Variants in HSPBP1 observed in about 807,000 individuals in gnomAD.
The protein encoded by HSPBP1 is hsp70-binding protein 1.
HSPBP1 carries 31 observed loss-of-function variants against 41.7 expected under a neutral mutation model. That is an observed-to-expected ratio of 0.74 (90% CI 0.56 to 1.00). HSPBP1 has a LOEUF of 1.00. HSPBP1 is among the 50% of genes least tolerant of loss of function. The pLI is 0.00. For missense variants in HSPBP1, 439 were observed against 487.9 expected, an observed-to-expected ratio of 0.90 and a Z score of 0.94; for synonymous variants, 199 against 214.4, an observed-to-expected ratio of 0.93 and a Z score of 0.63.
chr19:55,280,003 G>A, intron 1 of HSPBP1, 32 bp downstream of exon 1: 1 of 299,718 alleles, frequency 3.3e-6, no homozygotes, highest in Non-Finnish European at 6.3e-6. Context: ...CCTCCTCTCC[G>A]AAGAGGGGCG....
intron 4 of HSPBP1, 39 bp downstream of exon 4, chr19:55,274,359 C>CCCCCCCCCCCCCCGG: frequency 1.2e-6 from 1 of 853,672 alleles, no homozygotes; most frequent in Non-Finnish European, 1.7e-6. Flanking sequence ...CCCCCCCCAC[C>CCCCCCCCCCCCCCGG]GCCAGCACCC....
intron 6 of HSPBP1, 97 bp downstream of exon 6, chr19:55,265,789 A>T: frequency 1.3e-6 from 1 of 769,426 alleles, no homozygotes; most frequent in African/African-American, 1.8e-5. Flanking sequence ...GGAAGGTCCC[A>T]ACTCCTGAGT....
chr19:55,279,537 T>C lies in HSPBP1; in HGVS notation c.72A>G (p.Ser24=). 1 of 1,118,820 alleles carries C rather than the reference T, an allele frequency of 8.9e-7. No homozygotes were observed. Among genetic ancestry groups the C allele is most frequent in the South Asian group, 1.4e-5 (1 of 71,010 alleles). 69.3% of individuals were successfully genotyped at this position (1,118,820 alleles called of 1,614,324 possible). The change falls in exon 2 of 8, where the codon TCA becomes TCG. Residue 24 remains serine, a synonymous_variant. Transcript: ENST00000433386. ...ALPPASQGCS[S]GGGGGGSSAG... ...CCGAGGAGCCGCCGCCGCCGCCCCCTGAAGAGCAACCCTGGGAGGCCGGGG... is the reference window on the plus strand; with the variant it reads ...CCGAGGAGCCGCCGCCGCCGCCCCCCGAAGAGCAACCCTGGGAGGCCGGGG...
intron 7 of HSPBP1, among the ~76,000 whole-genome samples, 159 bp from the exon 8 acceptor site, chr19:55,262,841 G>A (rs2087682397): frequency 6.6e-6 from 1 of 152,160 alleles, no homozygotes. Flanking sequence ...TCAGATCCAT[G>A]ATTCACTGTC....
chr19:55,263,967 CTTT>C (rs201171002), intron 7 of HSPBP1, among the ~76,000 whole-genome samples: 5 of 130,494 alleles, frequency 3.8e-5, no homozygotes, highest in African/African-American at 8.9e-5. Context: ...ATGTAGTACA[CTTT>C]TTTTTTTTTT....
At position 55,262,513 on chromosome 19, in the gene HSPBP1, G is replaced by A; in HGVS notation, c.*95C>T. 6.4e-7 allele frequency: 1 copy of A among 1,550,702 alleles called. No homozygotes were observed. The highest frequency in any genetic ancestry group is 2.4e-5 in the East Asian group (1 of 41,764). On this transcript the variant is annotated 3_prime_UTR_variant, in exon 8 of 8. Transcript: ENST00000433386. ...GGCACACCCTGGGTCCAGGCACCTA[G>A]GCCCTGCGATCCCTTGGGAGAGGGC...
chr19:55,266,754 C>A lies in HSPBP1; in HGVS notation c.641-468G>T, dbSNP rs528430491. On this transcript the variant is annotated intron_variant, in intron 4 of 7. Coordinates refer to ENST00000433386, the MANE Select transcript of HSPBP1 (RefSeq NM_012267.5). ...ATGCTTTTGAGATATAATTCACAAT[C>A]CACACAGTTCAGCCTTTTAAAGATA... Among the ~76,000 whole-genome samples the A allele has an allele frequency of 2.0e-5, 3 of 152,242 alleles. No individual in the cohort carries two copies. The South Asian group carries it at 6.2e-4, about 32-fold the overall frequency.
intron 4 of HSPBP1, 55 bp downstream of exon 4, chr19:55,274,334 GGGCCCACCC>G: frequency 1.1e-6 from 1 of 930,258 alleles, no homozygotes; most frequent in South Asian, 1.5e-5. Flanking sequence ...CAGATCCCGG[GGGCCCACCC>G]GGCACCCCCC....
chr19:55,268,963 G>A lies in HSPBP1; in HGVS notation c.641-2677C>T, dbSNP rs963627713. On this transcript the variant is annotated intron_variant, in intron 4 of 7. Coordinates refer to ENST00000433386, the MANE Select transcript of HSPBP1 (RefSeq NM_012267.5). This position sits in a 1 kb window ranked among gnomAD's most constrained non-coding sequence, Gnocchi z 4.5. ...TGAGATTATAGGCATGAGTCACCACGCCCAGCCAGATGTTATTTAATTAAA... is the reference window on the plus strand; with the variant it reads ...TGAGATTATAGGCATGAGTCACCACACCCAGCCAGATGTTATTTAATTAAA... Among the ~76,000 whole-genome samples the A allele has an allele frequency of 3.9e-5, 6 of 152,046 alleles. No individual in the cohort carries two copies. Among genetic ancestry groups the A allele is most frequent in the Admixed American group, 1.3e-4 (2 of 15,266 alleles).
At chr19:55,267,970 T>C (rs2087830629) in intron 4 of HSPBP1, among the ~76,000 whole-genome samples, 1 of 152,192 alleles carries the variant, frequency 6.6e-6, no homozygotes, top group Non-Finnish European at 1.5e-5. Context: ...CTGGGTAGGC[T>C]CTAGGCCTGT....
Position 55,270,868 on chromosome 19 carries a change from C to A in HSPBP1, c.640+3530G>T, listed in dbSNP as rs2087906670. 6.6e-6 allele frequency among the ~76,000 whole-genome samples: 1 copy of A among 151,680 alleles called. No individual in the cohort carries two copies. The highest frequency in any genetic ancestry group is 2.4e-5 in the African/African-American group (1 of 41,246). On this transcript the variant is annotated intron_variant, in intron 4 of 7. Coordinates refer to ENST00000433386, the MANE Select transcript of HSPBP1 (RefSeq NM_012267.5). This position sits in a 1 kb window ranked among gnomAD's most constrained non-coding sequence, Gnocchi z 5.4. ...CCCCCCAGCACACACATCCCACACA[C>A]ATACACATGCAACACACACACCACA...
Position 55,270,489 on chromosome 19 carries a change from G to A in HSPBP1, c.640+3909C>T, listed in dbSNP as rs1329153140. Among the ~76,000 whole-genome samples the A allele has an allele frequency of 6.6e-6, 1 of 152,126 alleles. No individual in the cohort carries two copies. Among genetic ancestry groups the A allele is most frequent in the African/African-American group, 2.4e-5 (1 of 41,428 alleles). On this transcript the variant is annotated intron_variant, in intron 4 of 7. Transcript: ENST00000433386. This position sits in a 1 kb window ranked among gnomAD's most constrained non-coding sequence, Gnocchi z 5.4. ...CAACCTCATGCAACCTCATGAAGAC[G>A]CAAAGCCAGAAGCCGCCCTCCTCAG...
intron 2 of HSPBP1, 45 bp from the exon 3 acceptor site, chr19:55,277,891 T>G (rs987486306): frequency 7.0e-7 from 1 of 1,433,198 alleles, no homozygotes; most frequent in African/African-American, 1.4e-5. Flanking sequence ...CATCAGTCAT[T>G]CATTACAAAG....
chr19:55,267,291 T>C (rs2087812434), intron 4 of HSPBP1, among the ~76,000 whole-genome samples: 1 of 152,066 alleles, frequency 6.6e-6, no homozygotes, highest in African/African-American at 2.4e-5. Context: ...GCTGGGATTA[T>C]AGTAACCTGC....
At chr19:55,277,358 C>A (rs1238057098) in intron 3 of HSPBP1, among the ~76,000 whole-genome samples, 2 of 152,220 alleles carry the variant, frequency 1.3e-5, no homozygotes, top group Non-Finnish European at 2.9e-5. Flanking sequence ...TCTCTGCCAC[C>A]CCACCCATGC....
intron 7 of HSPBP1, 119 bp from the exon 8 acceptor site, chr19:55,262,801 C>T (rs540097375): frequency 3.0e-5 from 25 of 846,968 alleles, no homozygotes; most frequent in South Asian, 4.7e-5. Flanking sequence ...CACTCCCCCC[C>T]ACCAGAGGTT....
intron 4 of HSPBP1, among the ~76,000 whole-genome samples, chr19:55,271,213 T>C (rs1227660637): frequency 3.9e-5 from 6 of 151,954 alleles, no homozygotes; most frequent in Admixed American, 3.3e-4. Flanking sequence ...AAATATGTAA[T>C]GACTTTTTTT....
intron 4 of HSPBP1, among the ~76,000 whole-genome samples, chr19:55,269,197 T>G (rs919404771): frequency 6.6e-6 from 1 of 152,116 alleles, no homozygotes; most frequent in Non-Finnish European, 1.5e-5. Flanking sequence ...TGCAGGATGT[T>G]GAGCAGCATC....
chr19:55,263,238 G>A (rs562372076), intron 7 of HSPBP1, among the ~76,000 whole-genome samples: 108 of 152,310 alleles, frequency 7.1e-4, no homozygotes, highest in African/African-American at 2.1e-3. Context: ...GAGAAAAGAT[G>A]CCAAATTTCA....
Sources: allele counts gnomAD v4.1 joint callset (sites outside exome capture counted in the v4.1 genomes callset), GRCh38; gene constraint gnomAD v4.1.1; non-coding constraint Gnocchi (gnomAD v3.1); transcripts MANE v1.5; gene names NCBI Gene and HGNC (gene_info 2026-07-23, HGNC 2026-07-21).